NRXN1: variants seen among roughly 807,000 people sequenced by gnomAD.
The protein encoded by NRXN1 is neurexin 1.
A neutral mutation model predicts 150.9 loss-of-function variants in NRXN1; 39 were observed. That is an observed-to-expected ratio of 0.26 (90% CI 0.20 to 0.34). NRXN1 has a LOEUF of 0.34. Ranked by LOEUF, NRXN1 falls within the 10% of genes least tolerant of loss-of-function variation. NRXN1 has a pLI of 1.00. For synonymous variants in NRXN1, 924 were observed against 757.0 expected (o/e 1.22, Z -3.62); for missense variants, 1,815 against 1,949.9 (o/e 0.93, Z 1.30).
At chr2:50,834,643 T>C (rs964083858) in intron 5 of NRXN1, among the ~76,000 whole-genome samples, 8 of 152,190 alleles carry the variant, frequency 5.3e-5, no homozygotes, top group Non-Finnish European at 1.0e-4. Flanking sequence ...ACTGGCAAAT[T>C]AGTAAACCTC....
At chr2:49,935,181 G>A (rs760621550) in intron 22 of NRXN1, among the ~76,000 whole-genome samples, 2 of 152,166 alleles carry the variant, frequency 1.3e-5, no homozygotes, top group Non-Finnish European at 1.5e-5. Context: ...GCAATGTCAT[G>A]AGTATTGAAC....
At chr2:50,697,777 C>A (rs1302303277) in intron 5 of NRXN1, among the ~76,000 whole-genome samples, 1 of 152,088 alleles carries the variant, frequency 6.6e-6, no homozygotes, top group Non-Finnish European at 1.5e-5. Context: ...TAGGTTCTGC[C>A]CACATCTTTG....
intron 5 of NRXN1, among the ~76,000 whole-genome samples, chr2:50,744,016 G>A (rs975099107): frequency 6.6e-6 from 1 of 152,054 alleles, no homozygotes; most frequent in African/African-American, 2.4e-5. Context: ...CCATAACTAT[G>A]CAGGGTGGAA....
At position 50,652,752 on chromosome 2, in the gene NRXN1, T is replaced by C. The variant is rs1367703430; in HGVS notation, c.833-29137A>G. Among the ~76,000 whole-genome samples, 6 of 152,170 alleles carry C rather than the reference T, an allele frequency of 3.9e-5. No individual in the cohort carries two copies. The East Asian group carries it at 7.8e-4, about 20-fold the overall frequency. ...CTGAGTCATATGATAAATCTATGCTTAACAGTTTAAGAAACTGCCAAAAGC... is the reference window on the plus strand; with the variant it reads ...CTGAGTCATATGATAAATCTATGCTCAACAGTTTAAGAAACTGCCAAAAGC... On this transcript the variant is annotated intron_variant, in intron 5 of 22. Transcript: ENST00000401669.
At chr2:50,687,175 T>G (rs1418592805) in intron 5 of NRXN1, among the ~76,000 whole-genome samples, 2 of 152,174 alleles carry the variant, frequency 1.3e-5, no homozygotes, top group African/African-American at 4.8e-5. Flanking sequence ...AGTAGGGTAT[T>G]TAAAGATGGG....
intron 5 of NRXN1, chr2:50,739,375 A>G: frequency 2.8e-6 from 1 of 357,642 alleles, no homozygotes; most frequent in South Asian, 2.1e-5. Context: ...TATTTCTTTT[A>G]AATACTTCTG....
At chr2:50,249,666 C>T (rs982536014) in intron 17 of NRXN1, among the ~76,000 whole-genome samples, 30 of 150,324 alleles carry the variant, frequency 2.0e-4, no homozygotes, top group African/African-American at 7.3e-4. Context: ...GAGATGGCGT[C>T]GCACTCTGTT....
Position 50,828,626 on chromosome 2 carries a change from A to C in NRXN1, c.832+93243T>G, listed in dbSNP as rs912084464. Among the ~76,000 whole-genome samples the C allele has an allele frequency of 3.2e-3, 478 of 150,034 alleles. 5 individuals carry two copies. The highest frequency in any genetic ancestry group is 0.011 in the African/African-American group (442 of 40,634). ...GCAAAGGCGCTCCCCACATCTCAGA[A>C]GATGGGTGGCCGGGCAGAGACACTC... On this transcript the variant is annotated intron_variant, in intron 5 of 22. Coordinates refer to ENST00000401669, the MANE Select transcript of NRXN1 (RefSeq NM_001330078.2).
intron 21 of NRXN1, among the ~76,000 whole-genome samples, chr2:50,021,846 G>A (rs1001637298): frequency 6.6e-6 from 1 of 152,002 alleles, no homozygotes; most frequent in Non-Finnish European, 1.5e-5. Context: ...ATATGTTAAT[G>A]GTAATATTTA....
intron 8 of NRXN1, among the ~76,000 whole-genome samples, chr2:50,610,158 T>G (rs1677795018): frequency 6.6e-6 from 1 of 152,112 alleles, no homozygotes; most frequent in Admixed American, 6.6e-5. Context: ...TAATAGAAAT[T>G]AAGAGGAACT....
At chr2:50,367,164 C>G (rs1477449853) in intron 17 of NRXN1, among the ~76,000 whole-genome samples, 12 of 151,854 alleles carry the variant, frequency 7.9e-5, no homozygotes, top group Non-Finnish European at 1.5e-5. Flanking sequence ...AATAATAACT[C>G]AAGGAGAATA....
chr2:50,767,848 T>A (rs1022410374), intron 5 of NRXN1, among the ~76,000 whole-genome samples: 3 of 152,094 alleles, frequency 2.0e-5, no homozygotes, highest in Non-Finnish European at 2.9e-5. Context: ...ATTTAAGTAA[T>A]CCTAATTAAG....
chr2:50,031,237 T>G (rs1036729966), intron 21 of NRXN1, among the ~76,000 whole-genome samples: 1 of 152,064 alleles, frequency 6.6e-6, no homozygotes, highest in Admixed American at 6.6e-5. Context: ...CCAGCATGCT[T>G]GGAAGGAATC....
intron 5 of NRXN1, among the ~76,000 whole-genome samples, chr2:50,707,642 G>A (rs1032446320): frequency 1.3e-5 from 2 of 152,094 alleles, no homozygotes; most frequent in African/African-American, 4.8e-5. Flanking sequence ...ATCCAGACTG[G>A]ACTGCAGAAC....
intron 5 of NRXN1, among the ~76,000 whole-genome samples, chr2:50,665,153 A>G (rs1315648719): frequency 1.3e-5 from 2 of 151,974 alleles, no homozygotes. Flanking sequence ...TGTGACCTAC[A>G]ATAAGGTCAG....
chr2:50,589,236 G>C (rs1316339781), intron 8 of NRXN1: 2 of 152,446 alleles, frequency 1.3e-5, no homozygotes, highest in African/African-American at 2.4e-5. Flanking sequence ...CAGACAAAGA[G>C]GGGTGTTTGG....
intron 2 of NRXN1, among the ~76,000 whole-genome samples, chr2:50,989,398 T>C (rs895124556): frequency 2.7e-5 from 4 of 150,940 alleles, no homozygotes; most frequent in African/African-American, 9.9e-5. Flanking sequence ...TGACAAACAC[T>C]TACAGTCAGA....
chr2:50,852,516 A>G (rs1236038769), intron 5 of NRXN1, among the ~76,000 whole-genome samples: 1 of 152,152 alleles, frequency 6.6e-6, no homozygotes, highest in Admixed American at 6.5e-5. Context: ...TTGATTGTCA[A>G]AAAGAGTCAG....
chr2:50,931,904 A>T (rs567807996), intron 2 of NRXN1, among the ~76,000 whole-genome samples: 1 of 151,904 alleles, frequency 6.6e-6, no homozygotes, highest in East Asian at 2.0e-4. Flanking sequence ...CTCTGTTGCC[A>T]AGACTGGAGT....
Sources: allele counts gnomAD v4.1 joint callset (sites outside exome capture counted in the v4.1 genomes callset), GRCh38; gene constraint gnomAD v4.1.1; transcripts MANE v1.5; gene names NCBI Gene and HGNC (gene_info 2026-07-23, HGNC 2026-07-21).